Variants in SLC2A7 observed in about 807,000 individuals in gnomAD.
SLC2A7 encodes the protein solute carrier family 2 member 7, also known as solute carrier family 2, facilitated glucose transporter member 7.
A neutral mutation model predicts 50.5 loss-of-function variants in SLC2A7; 50 were observed. The observed-to-expected ratio is 0.99, with a 90% CI of 0.79 to 1.25. The LOEUF is 1.25. Ranked by LOEUF, SLC2A7 falls within the 50% of genes most tolerant of loss-of-function variation. The pLI, the probability that SLC2A7 is intolerant of heterozygous loss-of-function variation, is 0.00. For missense variants in SLC2A7, 683 were observed against 679.1 expected (o/e 1.01, Z -0.06); for synonymous variants, 308 against 300.4 (o/e 1.03, Z -0.26).
At chr1:9,001,355 G>C (rs556117738), downstream of SLC2A7, among the ~76,000 whole-genome samples, 1 of 151,926 alleles carries the variant, frequency 6.6e-6, no homozygotes, top group South Asian at 2.1e-4. Flanking sequence ...TTATCATCTC[G>C]AGTGATAGAA....
At chr1:9,023,835 CTTCTTTTTTTTTTTTTTTTTTTTTTTTT>C (rs1640953840) in intron 2 of SLC2A7, among the ~76,000 whole-genome samples, 1 of 65,982 alleles carries the variant, frequency 1.5e-5, no homozygotes, top group Non-Finnish European at 2.9e-5. Flanking sequence ...AAATATTCTT[CTTCTTTTTTTTTTTTTTTTTTTTTTTTT>C]TTTTTTTTTT....
At chr1:9,020,754 C>T (rs1405887594) in intron 3 of SLC2A7, among the ~76,000 whole-genome samples, 2 of 150,944 alleles carry the variant, frequency 1.3e-5, no homozygotes, top group Non-Finnish European at 3.0e-5. Context: ...TCACTGAAAC[C>T]TCCGTGATAT....
chr1:9,009,670 C>G (rs780821482), intron 9 of SLC2A7, among the ~76,000 whole-genome samples: 1 of 152,176 alleles, frequency 6.6e-6, no homozygotes, highest in Non-Finnish European at 1.5e-5. Flanking sequence ...GTTGTTCAGA[C>G]TGGTCTTGAG....
At chr1:9,011,714 T>TCTTC (rs1418820833) in intron 8 of SLC2A7, among the ~76,000 whole-genome samples, 1 of 150,486 alleles carries the variant, frequency 6.6e-6, no homozygotes, top group Non-Finnish European at 1.5e-5. Context: ...TCTTTCGACT[T>TCTTC]CTTCCTTCCT....
At chr1:8,997,652 C>T in the SLC2A7 span, among the ~76,000 whole-genome samples, 1 of 152,110 alleles carries the variant, frequency 6.6e-6, no homozygotes, top group African/African-American at 2.4e-5. Context: ...CCTGCCTCGG[C>T]CTCCCAAAGT....
chr1:9,006,559 C>T (rs1640656159), intron 10 of SLC2A7, among the ~76,000 whole-genome samples: 1 of 152,166 alleles, frequency 6.6e-6, no homozygotes, highest in African/African-American at 2.4e-5. Flanking sequence ...GCCTAAATCC[C>T]ACTTCTTAAA....
At chr1:9,009,817 G>A (rs1026286150) in intron 9 of SLC2A7, among the ~76,000 whole-genome samples, 6 of 152,180 alleles carry the variant, frequency 3.9e-5, no homozygotes, top group Admixed American at 1.3e-4. Context: ...CCTGTTCACC[G>A]CCCATAGATG....
chr1:8,994,019 C>G, the SLC2A7 span, among the ~76,000 whole-genome samples: 1 of 152,216 alleles, frequency 6.6e-6, no homozygotes, highest in Non-Finnish European at 1.5e-5. Flanking sequence ...ATGACTCCTG[C>G]ATTAATAGAT....
chr1:9,000,354 C>T (rs113898033), downstream of SLC2A7, among the ~76,000 whole-genome samples: 3,398 of 151,412 alleles, frequency 0.022, 106 homozygotes, highest in African/African-American at 0.077. Flanking sequence ...CACGGTGGCT[C>T]ATGCCTGTAA....
At chr1:9,020,455 C>T (rs1357457827) in intron 3 of SLC2A7, among the ~76,000 whole-genome samples, 3 of 152,012 alleles carry the variant, frequency 2.0e-5, no homozygotes, top group Admixed American at 6.5e-5. Context: ...TGAAAAACAG[C>T]GCTATGCCAG....
At chr1:9,007,798 GCA>G (rs1557646838) in intron 9 of SLC2A7, among the ~76,000 whole-genome samples, 1 of 151,104 alleles carries the variant, frequency 6.6e-6, no homozygotes, top group African/African-American at 2.4e-5. Context: ...AAGTGCAGTG[GCA>G]CAGTCTTGGC....
chr1:9,003,172 T>C lies in SLC2A7; in HGVS notation c.*128A>G. ...TGTTGTGGGTATTTAATAATATCCATAATTAAGTTAAATGGGGGCAACGAC... is the reference window on the plus strand; with the variant it reads ...TGTTGTGGGTATTTAATAATATCCACAATTAAGTTAAATGGGGGCAACGAC... On this transcript the variant is annotated 3_prime_UTR_variant, in exon 12 of 12. Coordinates refer to ENST00000400906, the MANE Select transcript of SLC2A7 (RefSeq NM_207420.3). The C allele has an allele frequency of 1.4e-6, 1 of 731,000 alleles. No individual in the cohort carries two copies. The highest frequency in any genetic ancestry group is 1.9e-5 in the South Asian group (1 of 53,272). The allele number at this position is 731,000 out of a possible 1,614,324, so 45.3% of individuals were successfully genotyped here.
chr1:9,018,434 C>G, intron 4 of SLC2A7, 59 bp from the exon 5 acceptor site: 1 of 1,597,952 alleles, frequency 6.3e-7, no homozygotes. Flanking sequence ...ATCTGAGATG[C>G]AATTCAATTC....
chr1:9,019,171 T>C, intron 4 of SLC2A7, 38 bp downstream of exon 4: 5 of 1,601,038 alleles, frequency 3.1e-6, no homozygotes, highest in Non-Finnish European at 4.3e-6. Context: ...AAACAGACCC[T>C]TCCCCCAAGG....
At position 9,008,949 on chromosome 1, in the gene SLC2A7, T is replaced by C. The variant is rs1640701048; in HGVS notation, c.1116+1194A>G. ...GAAGAAAGTTCTTTCCGAGGGAAACTTTAATTGATTTATGAGCATCACTAA... is the reference window on the plus strand; with the variant it reads ...GAAGAAAGTTCTTTCCGAGGGAAACCTTAATTGATTTATGAGCATCACTAA... On this transcript the variant is annotated intron_variant, in intron 9 of 11. Transcript: ENST00000400906. This position sits in a 1 kb window ranked among gnomAD's most constrained non-coding sequence, Gnocchi z 5.9. 6.6e-6 allele frequency among the ~76,000 whole-genome samples: 1 copy of C among 152,222 alleles called. No individual in the cohort carries two copies. Among genetic ancestry groups the C allele is most frequent in the Non-Finnish European group, 1.5e-5 (1 of 68,032 alleles).
At chr1:9,017,759 C>T (rs1640851554) in intron 5 of SLC2A7, among the ~76,000 whole-genome samples, 1 of 152,190 alleles carries the variant, frequency 6.6e-6, no homozygotes, top group Admixed American at 6.5e-5. Context: ...ACCACGACCC[C>T]CACTCGCTCT....
rs1640767267 is a variant in SLC2A7, at chr1:9,012,929, C to T, written c.1014+596G>A. Among the ~76,000 whole-genome samples, 3 of 152,132 alleles carry T rather than the reference C, an allele frequency of 2.0e-5. No individual in the cohort carries two copies. In the South Asian group the frequency reaches 6.2e-4, roughly 32 times the overall value. On this transcript the variant is annotated intron_variant, in intron 8 of 11. Coordinates refer to ENST00000400906, the MANE Select transcript of SLC2A7 (RefSeq NM_207420.3). ...TTGAGACAGAGTCTCACTCTTGTCACCCAGGCTGGAGTGCAGTGGTGCCAT... is the reference window on the plus strand; with the variant it reads ...TTGAGACAGAGTCTCACTCTTGTCATCCAGGCTGGAGTGCAGTGGTGCCAT...
At chr1:9,019,138 T>C in intron 4 of SLC2A7, 71 bp downstream of exon 4, 1 of 1,557,502 alleles carries the variant, frequency 6.4e-7, no homozygotes, top group Non-Finnish European at 8.7e-7. Flanking sequence ...ACACCTCATC[T>C]GCTCCTGCTT....
At chr1:9,023,754 G>T (rs1640949761) in intron 2 of SLC2A7, among the ~76,000 whole-genome samples, 1 of 89,906 alleles carries the variant, frequency 1.1e-5, no homozygotes, top group Non-Finnish European at 2.1e-5. Flanking sequence ...TAAAAAAGAA[G>T]AGAAAAGAAA....
Sources: allele counts gnomAD v4.1 joint callset (sites outside exome capture counted in the v4.1 genomes callset), GRCh38; gene constraint gnomAD v4.1.1; non-coding constraint Gnocchi (gnomAD v3.1); transcripts MANE v1.5; gene names NCBI Gene and HGNC (gene_info 2026-07-23, HGNC 2026-07-21).